THEMIS: variants seen among roughly 807,000 people sequenced by gnomAD.
The protein encoded by THEMIS is thymocyte selection associated.
THEMIS carries 37 observed loss-of-function variants against 52.6 expected under a neutral mutation model. That is an observed-to-expected ratio of 0.70 (90% CI 0.54 to 0.93). The LOEUF is 0.93. Ranked by LOEUF, THEMIS falls within the 40% of genes least tolerant of loss-of-function variation. THEMIS has a pLI of 0.00. For missense variants in THEMIS, 808 were observed against 763.1 expected, an observed-to-expected ratio of 1.06 and a Z score of -0.69; for synonymous variants, 292 against 272.7, an observed-to-expected ratio of 1.07 and a Z score of -0.70.
intron 4 of THEMIS, among the ~76,000 whole-genome samples, chr6:127,806,894 C>A (rs1404038144): frequency 2.0e-5 from 3 of 152,200 alleles, no homozygotes; most frequent in African/African-American, 7.2e-5. Flanking sequence ...TAACTTTCAA[C>A]CCAGCACTTC....
intron 4 of THEMIS, among the ~76,000 whole-genome samples, chr6:127,758,061 A>G (rs1351943866): frequency 2.0e-5 from 3 of 151,748 alleles, no homozygotes; most frequent in Non-Finnish European, 4.4e-5. Context: ...ATAACAATAT[A>G]TATTTATATA....
At chr6:127,822,920 T>C (rs1778388123) in intron 3 of THEMIS, among the ~76,000 whole-genome samples, 1 of 152,180 alleles carries the variant, frequency 6.6e-6, no homozygotes, top group Non-Finnish European at 1.5e-5. Context: ...CAGCCTGTCC[T>C]ACAGATTTAG....
At chr6:127,890,832 T>C (rs978059517) in intron 1 of THEMIS, among the ~76,000 whole-genome samples, 18 of 152,148 alleles carry the variant, frequency 1.2e-4, no homozygotes, top group Non-Finnish European at 1.5e-5. Context: ...ATCTTTCTTT[T>C]TTATAATTTT....
intron 2 of THEMIS, among the ~76,000 whole-genome samples, chr6:127,847,791 C>A (rs988419188): frequency 6.6e-6 from 1 of 151,544 alleles, no homozygotes; most frequent in Non-Finnish European, 1.5e-5. Context: ...TTAGAAAAAG[C>A]AATCCTAAAA....
chr6:127,775,262 GTGTCTGTTCCTT>G (rs1409920854), intron 4 of THEMIS, among the ~76,000 whole-genome samples: 6 of 152,184 alleles, frequency 3.9e-5, no homozygotes, highest in Non-Finnish European at 7.3e-5. Flanking sequence ...GTTTTGAGCA[GTGTCTGTTCCTT>G]TCAGTCCAGG....
intron 4 of THEMIS, among the ~76,000 whole-genome samples, chr6:127,743,242 C>A: frequency 6.6e-6 from 1 of 151,986 alleles, no homozygotes; most frequent in African/African-American, 2.4e-5. Flanking sequence ...GCATTAGAGC[C>A]CCTTAATTTT....
intron 4 of THEMIS, among the ~76,000 whole-genome samples, chr6:127,800,867 T>C (rs145434538): frequency 7.0e-4 from 106 of 152,308 alleles, no homozygotes; most frequent in African/African-American, 2.5e-3. Flanking sequence ...AGATGGCCTA[T>C]TGTGGGACCT....
intron 1 of THEMIS, among the ~76,000 whole-genome samples, chr6:127,899,320 G>A (rs1021684560): frequency 6.6e-6 from 1 of 151,816 alleles, no homozygotes; most frequent in Non-Finnish European, 1.5e-5. Context: ...GAAAACAAGG[G>A]ATTGGTCTAT....
At chr6:127,728,896 G>T (rs1200145831) in intron 4 of THEMIS, among the ~76,000 whole-genome samples, 1 of 152,098 alleles carries the variant, frequency 6.6e-6, no homozygotes, top group Non-Finnish European at 1.5e-5. Flanking sequence ...TAAATGAGAA[G>T]ATTTTTCATT....
chr6:127,780,080 T>A (rs995024238), intron 4 of THEMIS, among the ~76,000 whole-genome samples: 1 of 152,220 alleles, frequency 6.6e-6, no homozygotes, highest in African/African-American at 2.4e-5. Flanking sequence ...ATCTGGGTGA[T>A]CCTGTATTGG....
chr6:127,808,139 G>T (rs1181741171), intron 4 of THEMIS, among the ~76,000 whole-genome samples: 1 of 152,186 alleles, frequency 6.6e-6, no homozygotes, highest in Admixed American at 6.5e-5. Context: ...GCCAAACAGA[G>T]TTAGTGAAAT....
chr6:127,701,715 A>T, the THEMIS span, among the ~76,000 whole-genome samples: 1 of 152,114 alleles, frequency 6.6e-6, no homozygotes, highest in African/African-American at 2.4e-5. Flanking sequence ...TTTTTTGAAA[A>T]AAACTTTTAG....
At chr6:127,749,100 C>T (rs560280100) in intron 4 of THEMIS, among the ~76,000 whole-genome samples, 1 of 152,106 alleles carries the variant, frequency 6.6e-6, no homozygotes, top group South Asian at 2.1e-4. Flanking sequence ...CAGAATATTG[C>T]CTTTGGCAAA....
intron 3 of THEMIS, among the ~76,000 whole-genome samples, chr6:127,815,687 C>T (rs1379816919): frequency 6.6e-6 from 1 of 152,098 alleles, no homozygotes; most frequent in Non-Finnish European, 1.5e-5. Context: ...TACTGGCTTC[C>T]CTGAACCTCA....
intron 1 of THEMIS, among the ~76,000 whole-genome samples, chr6:127,861,737 T>C (rs1357782177): frequency 2.8e-5 from 4 of 141,446 alleles, no homozygotes; most frequent in African/African-American, 1.1e-4. Flanking sequence ...TGAGCTGAGA[T>C]TGCACCACTG....
intron 4 of THEMIS, among the ~76,000 whole-genome samples, chr6:127,738,229 C>T (rs1775074556): frequency 6.6e-6 from 1 of 152,026 alleles, no homozygotes. Context: ...TAAAAAAATA[C>T]TCATTACCCA....
chr6:127,732,321 CT>C (rs1374668881), intron 4 of THEMIS, among the ~76,000 whole-genome samples: 5 of 151,378 alleles, frequency 3.3e-5, no homozygotes, highest in Non-Finnish European at 7.4e-5. Context: ...TATTTTTTTC[CT>C]CCTAATACCA....
At chr6:127,845,167 G>T (rs980800655) in intron 2 of THEMIS, among the ~76,000 whole-genome samples, 1 of 151,790 alleles carries the variant, frequency 6.6e-6, no homozygotes, top group Non-Finnish European at 1.5e-5. Flanking sequence ...CATCTACAAA[G>T]CTATGTTTAT....
intron 2 of THEMIS, 135 bp from the exon 3 acceptor site, chr6:127,830,069 C>T: frequency 1.5e-6 from 1 of 664,874 alleles, no homozygotes; most frequent in Non-Finnish European, 2.5e-6. Context: ...ATTAGAGATG[C>T]TTATTTTAAT....
Sources: gnomAD v4.1 joint callset for allele counts (sites outside exome capture counted in the v4.1 genomes callset) on GRCh38, gnomAD v4.1.1 for gene constraint, MANE v1.5 for transcripts, NCBI Gene and HGNC (gene_info 2026-07-23, HGNC 2026-07-21) for gene names.